Variants in ADAM8 observed in about 807,000 individuals in gnomAD.
ADAM8 encodes disintegrin and metalloproteinase domain-containing protein 8.
In ADAM8, 104 loss-of-function variants were observed where a neutral mutation model predicts 102.4. That is an observed-to-expected ratio of 1.02 (90% CI 0.87 to 1.20). The LOEUF is 1.20. Ranked by LOEUF, ADAM8 falls within the 50% of genes most tolerant of loss-of-function variation. ADAM8 has a pLI of 0.00. For synonymous variants in ADAM8, 517 were observed against 485.2 expected, an observed-to-expected ratio of 1.07 and a Z score of -0.86; for missense variants, 1,132 against 1,159.0, an observed-to-expected ratio of 0.98 and a Z score of 0.34.
At chr10:133,267,862 T>C in intron 20 of ADAM8, 67 bp downstream of exon 20, 3 of 1,238,040 alleles carry the variant, frequency 2.4e-6, no homozygotes, top group Non-Finnish European at 3.1e-6. Flanking sequence ...CGGGCTGCAC[T>C]TGGGGTCGCA....
intron 5 of ADAM8, 132 bp downstream of exon 5, chr10:133,273,629 AC>A: frequency 1.6e-6 from 2 of 1,290,138 alleles, no homozygotes; most frequent in Non-Finnish European, 2.1e-6. Context: ...CCCTGAGCAG[AC>A]CCCCATGCAA....
At chr10:133,276,699 T>G in intron 1 of ADAM8, 73 bp downstream of exon 1, 1 of 1,505,390 alleles carries the variant, frequency 6.6e-7, no homozygotes, top group Non-Finnish European at 8.8e-7. Flanking sequence ...GGGCTCGGGG[T>G]CCGCGTCGCG....
chr10:133,271,447 G>A (rs901440056), intron 12 of ADAM8, 81 bp downstream of exon 12: 4 of 1,481,980 alleles, frequency 2.7e-6, no homozygotes, highest in Non-Finnish European at 3.6e-6. Context: ...ACGTGTGGAT[G>A]TGCAGTGGTC....
chr10:133,276,812 G>C lies in ADAM8; in HGVS notation c.6C>G (p.Arg2=), dbSNP rs1846775330. The C allele has an allele frequency of 6.5e-7, 1 of 1,528,150 alleles. No homozygotes were observed. 94.7% of individuals were successfully genotyped at this position (1,528,150 alleles called of 1,614,324 possible). The stretch of plus-strand genomic sequence containing the variant: ...CGCCCAGCAGCCAGAGCCCGAGGCC[G>C]CGCATGGCCGGGTCGGGGAGCAGAG... M[R]GLGLWLLGAM... Residue 2 remains arginine, a synonymous_variant, in exon 1 of 23, where the codon CGC becomes CGG. Transcript: ENST00000445355.
At position 133,262,844 on chromosome 10, in the gene ADAM8, T is replaced by C. The variant is rs1255542940; in HGVS notation, c.*312A>G. The C allele has an allele frequency of 1.2e-5, 5 of 409,588 alleles. No individual in the cohort carries two copies. The highest frequency in any genetic ancestry group is 1.8e-5 in the Non-Finnish European group (4 of 222,578). The allele number at this position is 409,588 out of a possible 1,614,324, so 25.4% of individuals were successfully genotyped here. A position where few individuals can be genotyped will look rare whatever the true frequency, so the allele number is the denominator to read the frequency against. On this transcript the variant is annotated 3_prime_UTR_variant, in exon 23 of 23. Transcript: ENST00000445355. ...GGGAGGGGCTGTATATGTGGCCTCC[T>C]GAACACAGCGGGAGACCAGCGGCCA...
Position 133,271,825 on chromosome 10 carries a change from TGCAGCGGCCGGCCTCGAAGCGTTCCTG to T in ADAM8, c.1060_1086del (p.Gln354_Cys362del). ...CCTCACCCAATGCTGCCCGCCATGA[TGCAGCGGCCGGCCTCGAAGCGTTCCTG>T]GCAGCGGCAGCCCTGGACGTTCTCA... is the stretch of plus-strand genomic sequence containing the variant. On this transcript the variant is annotated inframe_deletion, in exon 11 of 23. Transcript: ENST00000445355. The T allele has an allele frequency of 4.3e-6, 7 of 1,612,064 alleles. No individual in the cohort carries two copies. The highest frequency in any genetic ancestry group is 5.9e-6 in the Non-Finnish European group (7 of 1,179,576).
chr10:133,276,350 G>A (rs1424804716), intron 1 of ADAM8, among the ~76,000 whole-genome samples: 1 of 152,142 alleles, frequency 6.6e-6, no homozygotes, highest in African/African-American at 2.4e-5. Context: ...GGCAGGAGAC[G>A]GGTCCCCTCA....
intron 20 of ADAM8, 63 bp downstream of exon 20, chr10:133,267,866 G>A (rs563952873): frequency 8.0e-7 from 1 of 1,242,416 alleles, no homozygotes. Context: ...CTGCACTTGG[G>A]GTCGCAGGAT....
chr10:133,268,368 G>A (rs1480792383), intron 19 of ADAM8, among the ~76,000 whole-genome samples: 2 of 152,206 alleles, frequency 1.3e-5, no homozygotes, highest in Non-Finnish European at 2.9e-5. Flanking sequence ...GTGTCCTGCT[G>A]CGTGGGGGTC....
At chr10:133,266,630 A>G (rs1846329478) in intron 21 of ADAM8, among the ~76,000 whole-genome samples, 2 of 152,138 alleles carry the variant, frequency 1.3e-5, no homozygotes, top group South Asian at 4.1e-4. Context: ...ATGTCCCGCA[A>G]TGCCAAGTGG....
rs563934626 is a variant in ADAM8, at chr10:133,272,160, C to T, written c.957+33G>A. ...CCCCTCCCCTATCCAGCTCTGGCCTCGGCCTGGCAAACCCGGGCAGGAGCC... is the reference window on the plus strand; with the variant it reads ...CCCCTCCCCTATCCAGCTCTGGCCTTGGCCTGGCAAACCCGGGCAGGAGCC... On this transcript the variant is annotated intron_variant, in intron 10 of 22. Coordinates refer to ENST00000445355, the MANE Select transcript of ADAM8 (RefSeq NM_001109.5). The T allele has an allele frequency of 3.9e-4, 596 of 1,546,394 alleles. 5 individuals are homozygous for T. The Middle Eastern group carries it at 5.4e-3, about 14-fold the overall frequency.
chr10:133,271,287 G>T lies in ADAM8; in HGVS notation c.1287C>A (p.Asp429Glu). Residue 429 changes from aspartate (D) to glutamate (E), a missense_variant and splice_region_variant, in exon 13 of 23, where the codon GAC (aspartate) becomes GAA (glutamate). Coordinates refer to ENST00000445355, the MANE Select transcript of ADAM8 (RefSeq NM_001109.5). ...GEQCDCGPPE[D>E]CRNRCCNSTT... is the part of the protein sequence containing the mutation. ...TAGAGTTGCAGCAGCGGTTCCGGCA[G>T]TCCTGGGGCGACGGCAAAGGCCTTG... is the stretch of plus-strand genomic sequence containing the variant. 1 of 1,609,584 alleles carries T rather than the reference G, an allele frequency of 6.2e-7. No individual in the cohort carries two copies.
chr10:133,263,179 C>T lies in ADAM8; in HGVS notation c.2452G>A (p.Ala818Thr). 1 of 1,613,828 alleles carries T rather than the reference C, an allele frequency of 6.2e-7. No homozygotes were observed. The highest frequency in any genetic ancestry group is 1.1e-5 in the South Asian group (1 of 91,064). ...LKPPIQRKQGAGAPTAP is the reference protein window; with the variant it reads ...LKPPIQRKQGTGAPTAP ...CCCTAGGGTGCTGTGGGAGCTCCGG[C>T]TCCTTGCTTCCTCTGGATGGGGGGC... Residue 818 changes from alanine to threonine, a missense_variant, in exon 23 of 23, where the codon GCC becomes ACC. By Grantham distance (58) the Ala-to-Thr change is moderately conservative. Coordinates refer to ENST00000445355, the MANE Select transcript of ADAM8 (RefSeq NM_001109.5).
rs1474686068 is a variant in ADAM8 at position 133,275,511 on chromosome 10, TC to T, written c.122del (p.Arg41GlnfsTer17). ...AGTGGGAGGGCAGAGCTCGGCGGAC[TC>T]GGGGGCCTGGCAGACGCCACGGCAA... is the stretch of plus-strand genomic sequence containing the variant. ...VVLPWRLPGP[R>X]VRRALPSHLG... On this transcript the variant is annotated frameshift_variant, in exon 2 of 23. Transcript: ENST00000445355. LOFTEE classifies it high-confidence loss of function. 1 of 1,529,286 alleles carries T rather than the reference TC, an allele frequency of 6.5e-7. No homozygotes were observed. Among genetic ancestry groups the T allele is most frequent in the East Asian group, 2.6e-5 (1 of 38,672 alleles). 94.7% of individuals were successfully genotyped at this position (1,529,286 alleles called of 1,614,324 possible).
intron 19 of ADAM8, among the ~76,000 whole-genome samples, chr10:133,268,443 G>A (rs1018354396): frequency 3.3e-5 from 5 of 152,192 alleles, no homozygotes; most frequent in Non-Finnish European, 4.4e-5. Context: ...GGGTGCTCAC[G>A]GGGCTGGGTC....
Position 133,270,386 on chromosome 10 carries a change from C to T in ADAM8, c.1759G>A (p.Glu587Lys), listed in dbSNP as rs571488132. 36 of 1,591,320 alleles carry T rather than the reference C, an allele frequency of 2.3e-5. No homozygotes were observed. Among genetic ancestry groups the T allele is most frequent in the Admixed American group, 1.5e-4 (9 of 59,454 alleles). Residue 587 changes from glutamate (E) to lysine (K), a missense_variant, in exon 16 of 23, where the codon GAG becomes AAG. Physicochemically the swap from Glu to Lys is moderately conservative, Grantham distance 56. Transcript: ENST00000445355. ...EDGTAYEPVPEGTRCGPEKVC... is the reference protein window; with the variant it reads ...EDGTAYEPVPKGTRCGPEKVC... Reference sequence around the variant, plus strand: ...TTCTCTGGTCCACACCGGGTGCCCTCGGGCACTGGTTCATACGCAGTGCCA... The same window carrying T: ...TTCTCTGGTCCACACCGGGTGCCCTTGGGCACTGGTTCATACGCAGTGCCA...
intron 5 of ADAM8, 35 bp from the exon 6 acceptor site, chr10:133,273,478 T>G (rs1184269609): frequency 6.6e-7 from 1 of 1,512,176 alleles, no homozygotes; most frequent in African/African-American, 1.4e-5. Flanking sequence ...GCTGTGGGCT[T>G]CAGAGTGGCC....
intron 20 of ADAM8, 117 bp from the exon 21 acceptor site, chr10:133,267,534 G>A (rs984691963): frequency 1.3e-5 from 13 of 998,196 alleles, no homozygotes; most frequent in South Asian, 8.3e-5. Context: ...GCGTCTGCGC[G>A]GCCCACAGGG....
chr10:133,270,958 G>A lies in ADAM8; in HGVS notation c.1487C>T (p.Thr496Met), dbSNP rs752531473. ...CPEDAFQENG[T>M]PCSGGYCYNG... ...GTAGCAGTAGCCCCCGGAGCAGGGC[G>A]TGCCGTTCTCCTGGAAGGCGTCTTC... Residue 496 changes from threonine (T) to methionine (M), a missense_variant, in exon 14 of 23, where the codon ACG (threonine) becomes ATG (methionine). By Grantham distance (81) the Thr-to-Met change is moderately conservative (BLOSUM62 -1). Coordinates refer to ENST00000445355, the MANE Select transcript of ADAM8 (RefSeq NM_001109.5). The A allele has an allele frequency of 1.1e-5, 18 of 1,612,828 alleles. No individual in the cohort carries two copies. The highest frequency in any genetic ancestry group is 1.7e-4 in the Middle Eastern group (1 of 6,060).
Sources: allele counts gnomAD v4.1 joint callset (sites outside exome capture counted in the v4.1 genomes callset), GRCh38; gene constraint gnomAD v4.1.1; transcripts MANE v1.5; gene names NCBI Gene and HGNC (gene_info 2026-07-23, HGNC 2026-07-21).